The following PCCA variants were observed in gnomAD, a reference collection of about 807,000 sequenced individuals.
The protein encoded by PCCA is propionyl-CoA carboxylase alpha chain, mitochondrial.
Under a neutral mutation model 101.3 loss-of-function variants are expected in PCCA, and 74 were observed. The ratio of observed to expected loss-of-function variants is 0.73; its 90% CI spans 0.61 to 0.89. PCCA has a LOEUF of 0.89. Among genes scored for constraint, PCCA ranks in the 40% least tolerant of loss-of-function variants. PCCA has a pLI of 0.00. For missense variants in PCCA, 891 were observed against 907.0 expected (o/e 0.98, Z 0.23); for synonymous variants, 294 against 313.6 (o/e 0.94, Z 0.66).
chr13:100,273,851 A>G (rs1595059209), intron 12 of PCCA, among the ~76,000 whole-genome samples: 1 of 152,160 alleles, frequency 6.6e-6, no homozygotes, highest in Non-Finnish European at 1.5e-5. Context: ...GCTTTGGGGG[A>G]CATAACTTCC....
At chr13:100,174,222 T>C (rs938413027) in intron 6 of PCCA, among the ~76,000 whole-genome samples, 4 of 151,884 alleles carry the variant, frequency 2.6e-5, no homozygotes, top group African/African-American at 9.7e-5. Context: ...CACATGCCAG[T>C]AGGAGATCAG....
chr13:100,115,314 A>G (rs988275432), intron 4 of PCCA, among the ~76,000 whole-genome samples: 6 of 152,166 alleles, frequency 3.9e-5, no homozygotes, highest in African/African-American at 7.2e-5. Flanking sequence ...ATTAATGAGT[A>G]CAAGAATATA....
At chr13:100,507,569 A>G (rs1264203818) in intron 21 of PCCA, among the ~76,000 whole-genome samples, 1 of 152,246 alleles carries the variant, frequency 6.6e-6, no homozygotes, top group African/African-American at 2.4e-5. Context: ...CAAGTGATTC[A>G]GATTACAAGG....
intron 18 of PCCA, among the ~76,000 whole-genome samples, chr13:100,358,850 AG>A (rs1278682615): frequency 6.6e-6 from 1 of 151,996 alleles, no homozygotes; most frequent in African/African-American, 2.4e-5. Context: ...ACCTCACTAA[AG>A]GTGTTTAGCC....
chr13:100,227,597 C>G (rs117355902), intron 7 of PCCA, among the ~76,000 whole-genome samples: 33 of 152,282 alleles, frequency 2.2e-4, no homozygotes, highest in South Asian at 8.3e-4. Flanking sequence ...TTTCCCTTTT[C>G]TCCGTTTCTT....
chr13:100,131,780 C>G (rs2050540055), intron 4 of PCCA, among the ~76,000 whole-genome samples: 1 of 152,190 alleles, frequency 6.6e-6, no homozygotes, highest in Admixed American at 6.5e-5. Context: ...TGTGAAGATG[C>G]TCCACATCTT....
chr13:100,412,717 G>A (rs1377990635), intron 19 of PCCA, among the ~76,000 whole-genome samples: 6 of 152,104 alleles, frequency 3.9e-5, no homozygotes, highest in Non-Finnish European at 4.4e-5. Flanking sequence ...TGGGCACAGA[G>A]TAAACGGCTG....
intron 18 of PCCA, among the ~76,000 whole-genome samples, chr13:100,367,090 A>G (rs2075234205): frequency 6.6e-6 from 1 of 152,210 alleles, no homozygotes; most frequent in African/African-American, 2.4e-5. Flanking sequence ...CAAAATGCTG[A>G]TGTTTAGTAC....
At chr13:100,439,600 C>G (rs1047510155) in intron 20 of PCCA, among the ~76,000 whole-genome samples, 1 of 151,774 alleles carries the variant, frequency 6.6e-6, no homozygotes, top group Non-Finnish European at 1.5e-5. Flanking sequence ...TTTTGCTGTT[C>G]TCTATTTCTT....
At chr13:100,206,064 AT>A (rs139750143) in intron 6 of PCCA, among the ~76,000 whole-genome samples, 12 of 150,478 alleles carry the variant, frequency 8.0e-5, no homozygotes, top group East Asian at 5.8e-4. Context: ...TTTGCATAAG[AT>A]TTTTTTTTTC....
At position 100,357,691 on chromosome 13, in the gene PCCA, A is replaced by G. The variant is rs577921883; in HGVS notation, c.1644-10781A>G. On this transcript the variant is annotated intron_variant, in intron 18 of 23. Transcript: ENST00000376285. ...AACCAAATACGACCCCTAAAAGAAGAAAACTACACCAGTGAGATGCACATT... is the reference window on the plus strand; with the variant it reads ...AACCAAATACGACCCCTAAAAGAAGGAAACTACACCAGTGAGATGCACATT... Among the ~76,000 whole-genome samples the G allele has an allele frequency of 3.3e-5, 5 of 152,354 alleles. No homozygotes were observed. In the South Asian group the frequency reaches 1.0e-3, roughly 32 times the overall value.
chr13:100,157,343 A>T lies in PCCA; in HGVS notation c.468+3A>T. ...ACAAAGAATTTGCCAGATGTTTGGT[A>T]AGTTGGTAATGAACCAGAAACTGTT... On this transcript the variant is annotated splice_donor_region_variant and intron_variant, in intron 6 of 23. Coordinates refer to ENST00000376285, the MANE Select transcript of PCCA (RefSeq NM_000282.4). 1 of 1,599,228 alleles carries T rather than the reference A, an allele frequency of 6.3e-7. No homozygotes were observed. The highest frequency in any genetic ancestry group is 1.1e-5 in the South Asian group (1 of 90,744).
intron 12 of PCCA, among the ~76,000 whole-genome samples, chr13:100,286,452 G>A (rs1395649075): frequency 3.3e-5 from 5 of 152,186 alleles, no homozygotes; most frequent in Admixed American, 6.5e-5. Flanking sequence ...GCGGGAGTCA[G>A]GGCAGAGCAG....
At chr13:100,139,285 G>A (rs774470631) in intron 4 of PCCA, among the ~76,000 whole-genome samples, 75 of 151,792 alleles carry the variant, frequency 4.9e-4, no homozygotes, top group Admixed American at 2.6e-4. Context: ...CCAAACTTGG[G>A]AAGTTTTCAG....
intron 22 of PCCA, among the ~76,000 whole-genome samples, chr13:100,516,762 A>AGTGTGTGTG (rs1382893777): frequency 0.035 from 3,778 of 109,100 alleles, 121 homozygotes; most frequent in African/African-American, 0.11. Flanking sequence ...TGTGTGTGTA[A>AGTGTGTGTG]TGTGTGTAAA....
Position 100,262,319 on chromosome 13 carries a change from G to A in PCCA, c.717-410G>A, listed in dbSNP as rs2062574580. On this transcript the variant is annotated intron_variant, in intron 9 of 23. Transcript: ENST00000376285. ...GAGGTGGAAGATTCACTTGAAACCCGGCAGGCAGAGGTTGCAGTGAGCTGA... is the reference window on the plus strand; with the variant it reads ...GAGGTGGAAGATTCACTTGAAACCCAGCAGGCAGAGGTTGCAGTGAGCTGA... Among the ~76,000 whole-genome samples the A allele has an allele frequency of 1.3e-5, 2 of 152,066 alleles. 1 individual carries two copies. The highest frequency in any genetic ancestry group is 4.8e-5 in the African/African-American group (2 of 41,460).
intron 6 of PCCA, among the ~76,000 whole-genome samples, chr13:100,159,267 T>G (rs1270443867): frequency 6.6e-6 from 1 of 151,706 alleles, no homozygotes; most frequent in African/African-American, 2.4e-5. Flanking sequence ...ATTTTTGTAT[T>G]TTTAGTAGAG....
chr13:100,317,862 A>G (rs532798586), intron 16 of PCCA, among the ~76,000 whole-genome samples: 1 of 152,044 alleles, frequency 6.6e-6, no homozygotes, highest in South Asian at 2.1e-4. Flanking sequence ...TGTTGCAATA[A>G]CAGGCATGAG....
intron 21 of PCCA, among the ~76,000 whole-genome samples, chr13:100,464,997 A>T (rs2065748): frequency 6.6e-6 from 1 of 152,274 alleles, no homozygotes; most frequent in Non-Finnish European, 1.5e-5. Flanking sequence ...GATCTCTTGT[A>T]CCTATGAATT....
Sources: allele counts gnomAD v4.1 joint callset (sites outside exome capture counted in the v4.1 genomes callset), GRCh38; gene constraint gnomAD v4.1.1; transcripts MANE v1.5; gene names NCBI Gene and HGNC (gene_info 2026-07-23, HGNC 2026-07-21).